Variants in ADAM12 observed in about 807,000 individuals in gnomAD.
ADAM12 encodes the protein disintegrin and metalloproteinase domain-containing protein 12.
ADAM12 carries 70 observed loss-of-function variants against 106.4 expected under a neutral mutation model. The observed-to-expected ratio is 0.66, with a 90% CI of 0.54 to 0.80. The LOEUF (loss-of-function observed/expected upper bound fraction) is 0.80, where lower values mean the gene tolerates loss of function less well. ADAM12 is among the 30% of genes least tolerant of loss of function. ADAM12 has a pLI of 0.00. For synonymous variants in ADAM12, 420 were observed against 433.5 expected (o/e 0.97, Z 0.39); for missense variants, 1,010 against 1,171.9 (o/e 0.86, Z 2.02).
At chr10:126,157,286 C>T (rs1225878760) in intron 3 of ADAM12, among the ~76,000 whole-genome samples, 3 of 152,232 alleles carry the variant, frequency 2.0e-5, no homozygotes, top group Non-Finnish European at 4.4e-5. Context: ...GACCTGTTGC[C>T]CATGGGGCCT....
At chr10:126,032,374 G>A (rs973245038) in intron 21 of ADAM12, among the ~76,000 whole-genome samples, 6 of 152,196 alleles carry the variant, frequency 3.9e-5, no homozygotes, top group African/African-American at 1.4e-4. Flanking sequence ...TATATCATAT[G>A]TCTTAGAAAA....
intron 11 of ADAM12, among the ~76,000 whole-genome samples, chr10:126,084,877 G>C (rs1480427598): frequency 6.6e-6 from 1 of 152,228 alleles, no homozygotes; most frequent in African/African-American, 2.4e-5. Flanking sequence ...CTGACCACCT[G>C]TGGGCCCTCT....
At chr10:126,224,281 C>G (rs1958150745) in intron 3 of ADAM12, among the ~76,000 whole-genome samples, 1 of 152,268 alleles carries the variant, frequency 6.6e-6, no homozygotes, top group South Asian at 2.1e-4. Flanking sequence ...CCTGCAGGCT[C>G]CAAGCTGGGG....
intron 11 of ADAM12, among the ~76,000 whole-genome samples, chr10:126,073,544 CT>C (rs72460348): frequency 0.18 from 27,665 of 152,000 alleles, 2,868 homozygotes; most frequent in South Asian, 0.28. Flanking sequence ...TGATCCTCTC[CT>C]TTCCCAGTGT....
intron 3 of ADAM12, chr10:126,273,287 G>A (rs1351796684): frequency 6.5e-6 from 1 of 153,296 alleles, no homozygotes; most frequent in East Asian, 1.9e-4. Flanking sequence ...TTTATGGACA[G>A]ACCACAGGAA....
At chr10:126,196,589 T>C (rs2133812529) in intron 3 of ADAM12, among the ~76,000 whole-genome samples, 1 of 152,358 alleles carries the variant, frequency 6.6e-6, no homozygotes, top group South Asian at 2.1e-4. Flanking sequence ...TCTATGTCGC[T>C]GAGTCATGTT....
chr10:126,197,639 G>T (rs1371844367), intron 3 of ADAM12, among the ~76,000 whole-genome samples: 1 of 152,204 alleles, frequency 6.6e-6, no homozygotes, highest in African/African-American at 2.4e-5. Context: ...GAGCATCTGA[G>T]GACACAGAGG....
intron 3 of ADAM12, among the ~76,000 whole-genome samples, chr10:126,157,341 G>A (rs909135540): frequency 6.6e-5 from 10 of 152,190 alleles, no homozygotes; most frequent in Admixed American, 1.3e-4. Context: ...TTCTGCCTAC[G>A]CTGGCTGGAG....
chr10:126,259,832 C>T (rs193294229), intron 3 of ADAM12, among the ~76,000 whole-genome samples: 1 of 152,324 alleles, frequency 6.6e-6, no homozygotes, highest in Admixed American at 6.5e-5. Flanking sequence ...CACTGAAATT[C>T]TTTCTTTAAA....
chr10:126,158,538 C>T (rs146949997), intron 3 of ADAM12, among the ~76,000 whole-genome samples: 55,306 of 83,950 alleles, frequency 0.66, 20,152 homozygotes, highest in Admixed American at 0.78. Flanking sequence ...GCACAGAGCA[C>T]GGGGAGGATG....
intron 1 of ADAM12, among the ~76,000 whole-genome samples, chr10:126,380,076 T>C (rs1051960711): frequency 6.6e-6 from 1 of 152,194 alleles, no homozygotes; most frequent in East Asian, 1.9e-4. Context: ...GCTCTTAATG[T>C]AGCCTTGGAA....
chr10:126,132,535 CT>C (rs148905538), intron 5 of ADAM12, among the ~76,000 whole-genome samples: 26,200 of 122,778 alleles, frequency 0.21, 2,637 homozygotes, highest in East Asian at 0.42. Flanking sequence ...CCCCCCCCCC[CT>C]CAACTAGTCC....
intron 2 of ADAM12, among the ~76,000 whole-genome samples, chr10:126,298,126 C>T (rs776040213): frequency 3.9e-5 from 6 of 151,972 alleles, no homozygotes; most frequent in South Asian, 2.1e-4. Context: ...CATCATCTAG[C>T]GGCTCAATTT....
intron 1 of ADAM12, among the ~76,000 whole-genome samples, chr10:126,333,159 A>G (rs991145119): frequency 7.2e-5 from 11 of 152,234 alleles, no homozygotes; most frequent in Admixed American, 2.0e-4. Flanking sequence ...TATCCTCCAC[A>G]TAAACGAACC....
In ADAM12 at chr10:126,053,309, G is replaced by A. The variant is rs1373263034; in HGVS notation, c.1610-3640C>T. Reference sequence around the variant, plus strand: ...CTCAGGTATTTATTTATTTATAGCAGTGTGAGAACAGACTAATACAGGGTG... The same window carrying A: ...CTCAGGTATTTATTTATTTATAGCAATGTGAGAACAGACTAATACAGGGTG... On this transcript the variant is annotated intron_variant, in intron 14 of 22. Transcript: ENST00000448723. This position sits in a 1 kb window ranked among gnomAD's most constrained non-coding sequence, Gnocchi z 4.6. Among the ~76,000 whole-genome samples, 1 of 152,118 alleles carries A rather than the reference G, an allele frequency of 6.6e-6. No homozygotes were observed. The highest frequency in any genetic ancestry group is 1.5e-5 in the Non-Finnish European group (1 of 68,024).
intron 2 of ADAM12, among the ~76,000 whole-genome samples, chr10:126,282,632 G>A (rs1431273511): frequency 1.3e-5 from 2 of 152,064 alleles, no homozygotes; most frequent in African/African-American, 4.8e-5. Flanking sequence ...TATACATATG[G>A]TTGTATACAG....
At position 126,363,535 on chromosome 10, in the gene ADAM12, C is replaced by T. The variant is rs1163231085; in HGVS notation, c.88+24523G>A. Among the ~76,000 whole-genome samples, 3 of 152,150 alleles carry T rather than the reference C, an allele frequency of 2.0e-5. No homozygotes were observed. The East Asian group carries it at 5.8e-4, about 29-fold the overall frequency. On this transcript the variant is annotated intron_variant, in intron 1 of 22. Transcript: ENST00000448723. ...CACTCCTGCTCTGAAGAGGTAGAAC[C>T]TCCTTCCCCAGTTTGCTTCCCTGAC...
At chr10:126,029,958 C>T (rs539045491) in intron 21 of ADAM12, among the ~76,000 whole-genome samples, 2 of 152,276 alleles carry the variant, frequency 1.3e-5, no homozygotes, top group South Asian at 2.1e-4. Flanking sequence ...TTTCTAAATG[C>T]ATATGACTTT....
intron 3 of ADAM12, among the ~76,000 whole-genome samples, chr10:126,188,334 GC>G (rs1957436510): frequency 6.6e-6 from 1 of 152,142 alleles, no homozygotes. Flanking sequence ...TAATTCTTTG[GC>G]CACATCACTG....
Sources: allele counts gnomAD v4.1 joint callset (sites outside exome capture counted in the v4.1 genomes callset), GRCh38; gene constraint gnomAD v4.1.1; non-coding constraint Gnocchi (gnomAD v3.1); transcripts MANE v1.5; gene names NCBI Gene and HGNC (gene_info 2026-07-23, HGNC 2026-07-21).